The following NMNAT2 variants were observed in gnomAD, a reference collection of about 807,000 sequenced individuals.
NMNAT2 encodes the protein nicotinamide/nicotinic acid mononucleotide adenylyltransferase 2.
Under a neutral mutation model 41.6 loss-of-function variants are expected in NMNAT2, and 11 were observed. The observed-to-expected ratio is 0.26, with a 90% CI of 0.17 to 0.44. NMNAT2 has a LOEUF of 0.44. Among genes scored for constraint, NMNAT2 ranks in the 20% least tolerant of loss-of-function variants. The pLI, the probability that NMNAT2 is intolerant of heterozygous loss-of-function variation, is 1.00. For synonymous variants in NMNAT2, 148 were observed against 151.2 expected (o/e 0.98, Z 0.16); for missense variants, 288 against 407.7 (o/e 0.71, Z 2.53).
chr1:183,401,932 AG>A (rs1038555111), intron 1 of NMNAT2, among the ~76,000 whole-genome samples: 2 of 66,750 alleles, frequency 3.0e-5, no homozygotes, highest in African/African-American at 1.2e-4. Context: ...GGGTTGGGGG[AG>A]GGGGGAGGGA....
intron 1 of NMNAT2, among the ~76,000 whole-genome samples, chr1:183,329,970 A>G (rs1662546448): frequency 6.6e-6 from 1 of 152,206 alleles, no homozygotes; most frequent in Non-Finnish European, 1.5e-5. Context: ...CACTCACTCT[A>G]TCACAACTCC....
intron 1 of NMNAT2, among the ~76,000 whole-genome samples, chr1:183,410,165 A>C (rs940274705): frequency 8.7e-4 from 131 of 151,412 alleles, no homozygotes; most frequent in African/African-American, 3.1e-3. Context: ...ACCAAAAAAA[A>C]AAAAAAAAAT....
chr1:183,379,930 C>G (rs1367010403), intron 1 of NMNAT2, among the ~76,000 whole-genome samples: 1 of 152,220 alleles, frequency 6.6e-6, no homozygotes. Flanking sequence ...TATTAGGAAG[C>G]TGTGCACTTG....
intron 1 of NMNAT2, among the ~76,000 whole-genome samples, chr1:183,340,545 AAC>A (rs1662774693): frequency 6.6e-6 from 1 of 151,938 alleles, no homozygotes; most frequent in Admixed American, 6.6e-5. Context: ...GCTGGTTTTG[AAC>A]TCCTGACCTC....
chr1:183,263,258 G>T (rs1021154693), intron 8 of NMNAT2, among the ~76,000 whole-genome samples: 2 of 152,212 alleles, frequency 1.3e-5, no homozygotes, highest in Admixed American at 6.5e-5. Flanking sequence ...CATGTAATCT[G>T]GAAGATACAG....
At chr1:183,284,857 C>T (rs537187335) in intron 5 of NMNAT2, 67 bp from the exon 6 acceptor site, 125 of 1,366,722 alleles carry the variant, frequency 9.1e-5, no homozygotes, top group African/African-American at 6.1e-4. Context: ...GCACTCATGT[C>T]GGCCCGGCAT....
At chr1:183,266,448 C>T (rs1037590293) in intron 8 of NMNAT2, among the ~76,000 whole-genome samples, 3 of 152,294 alleles carry the variant, frequency 2.0e-5, no homozygotes, top group African/African-American at 7.2e-5. Flanking sequence ...AGCCTAAATT[C>T]TCACCAGAGT....
intron 1 of NMNAT2, among the ~76,000 whole-genome samples, chr1:183,380,991 C>T (rs1663792144): frequency 6.6e-6 from 1 of 151,924 alleles, no homozygotes; most frequent in Non-Finnish European, 1.5e-5. Flanking sequence ...TGGATGAGGG[C>T]CTGGAGGTAG....
At chr1:183,264,084 G>C (rs142697231) in intron 8 of NMNAT2, among the ~76,000 whole-genome samples, 1 of 152,252 alleles carries the variant, frequency 6.6e-6, no homozygotes, top group Non-Finnish European at 1.5e-5. Flanking sequence ...CCTAAGCTGC[G>C]TGGTTATGTA....
At chr1:183,410,086 A>G (rs1315878123) in intron 1 of NMNAT2, among the ~76,000 whole-genome samples, 1 of 151,750 alleles carries the variant, frequency 6.6e-6, no homozygotes, top group Non-Finnish European at 1.5e-5. Context: ...AGGCAGGCGG[A>G]TCACCTGAGG....
chr1:183,292,977 G>A (rs1661583266), intron 2 of NMNAT2, 120 bp from the exon 3 acceptor site: 2 of 881,638 alleles, frequency 2.3e-6, no homozygotes, highest in Admixed American at 2.3e-5. Flanking sequence ...GAGAGGGAAT[G>A]AAGAATGTGA....
At chr1:183,402,876 C>T (rs1325678400) in intron 1 of NMNAT2, among the ~76,000 whole-genome samples, 1 of 134,788 alleles carries the variant, frequency 7.4e-6, no homozygotes, top group East Asian at 2.4e-4. Context: ...CTTTCCCATT[C>T]CTTTAATCTC....
At position 183,389,820 on chromosome 1, in the gene NMNAT2, GAAAGAAAGAAAGAAAGAAAGA is replaced by G. The variant is rs1557897731; in HGVS notation, c.85+28342_85+28362del. ...AGAAAGAAAGAAAGAAAGAAAGAAA[GAAAGAAAGAAAGAAAGAAAGA>G]AAGGAAAAAAGAGAAAGAAAGAAAG... On this transcript the variant is annotated intron_variant, in intron 1 of 10. Coordinates refer to ENST00000287713, the MANE Select transcript of NMNAT2 (RefSeq NM_015039.4). Among the ~76,000 whole-genome samples, 93 of 55,280 alleles carry G rather than the reference GAAAGAAAGAAAGAAAGAAAGA, an allele frequency of 1.7e-3. 11 individuals carry two copies. Among genetic ancestry groups the G allele is most frequent in the African/African-American group, 5.2e-3 (86 of 16,396 alleles). The allele number at this position is 55,280 out of a possible 152,430, so 36.3% of individuals were successfully genotyped here. A position where few individuals can be genotyped will look rare whatever the true frequency, so the allele number is the denominator to read the frequency against.
intron 8 of NMNAT2, among the ~76,000 whole-genome samples, chr1:183,271,443 C>T (rs1660986718): frequency 1.3e-5 from 2 of 152,150 alleles, no homozygotes; most frequent in African/African-American, 4.8e-5. Flanking sequence ...CCACCCCCTC[C>T]CACAGAAAGC....
intron 1 of NMNAT2, among the ~76,000 whole-genome samples, chr1:183,371,825 G>T (rs912440005): frequency 2.0e-5 from 3 of 152,046 alleles, no homozygotes; most frequent in African/African-American, 7.2e-5. Flanking sequence ...TGTCACCCAG[G>T]CTGGAGTGCA....
chr1:183,414,140 G>T (rs540744745), intron 1 of NMNAT2, among the ~76,000 whole-genome samples: 1 of 152,322 alleles, frequency 6.6e-6, no homozygotes, highest in African/African-American at 2.4e-5. Context: ...GCAGTGAAAA[G>T]ATAATAGTTT....
At chr1:183,258,973 C>T (rs899338892) in intron 10 of NMNAT2, among the ~76,000 whole-genome samples, 22 of 152,160 alleles carry the variant, frequency 1.4e-4, no homozygotes, top group African/African-American at 3.4e-4. Context: ...CCCGCACAGC[C>T]GGCTCTGCGT....
intron 1 of NMNAT2, among the ~76,000 whole-genome samples, chr1:183,375,636 C>G (rs573103607): frequency 2.0e-5 from 3 of 152,358 alleles, no homozygotes; most frequent in East Asian, 3.9e-4. Flanking sequence ...GAAGAAGTAG[C>G]TGCTCCCCTC....
Sources: gnomAD v4.1 joint callset for allele counts (sites outside exome capture counted in the v4.1 genomes callset) on GRCh38, gnomAD v4.1.1 for gene constraint, MANE v1.5 for transcripts, NCBI Gene and HGNC (gene_info 2026-07-23, HGNC 2026-07-21) for gene names.